Variants in HERC1 observed in about 807,000 individuals in gnomAD.
HERC1 encodes the protein probable E3 ubiquitin-protein ligase HERC1.
HERC1 carries 160 observed loss-of-function variants against 554.3 expected under a neutral mutation model. The ratio of observed to expected loss-of-function variants is 0.29; its 90% CI spans 0.25 to 0.33. The LOEUF (loss-of-function observed/expected upper bound fraction) is 0.33. Ranked by LOEUF, HERC1 falls within the 10% of genes least tolerant of loss-of-function variation. The probability of loss-of-function intolerance (pLI) is 1.00; values close to 1 mark genes in which losing one functional copy is unlikely to be tolerated. For synonymous variants in HERC1, 2,175 were observed against 2,131.7 expected (o/e 1.02, Z -0.56); for missense variants, 4,919 against 5,918.5 (o/e 0.83, Z 5.54).
chr15:63,612,272 A>G lies in HERC1; in HGVS notation c.14379T>C (p.Phe4793=). The G allele has an allele frequency of 1.9e-6, 3 of 1,610,154 alleles. No homozygotes were observed. Among genetic ancestry groups the G allele is most frequent in the Non-Finnish European group, 1.7e-6 (2 of 1,176,758 alleles). The part of the protein sequence containing the change: ...PANTADISQR[F]QIMKVDRPYD... ...TTACCCTATCAACCTTCATGATTTGAAATCTCTGAGAAATGTCAGCAGTGT... is the reference window on the plus strand; with the variant it reads ...TTACCCTATCAACCTTCATGATTTGGAATCTCTGAGAAATGTCAGCAGTGT... The change falls in exon 77 of 78, where the codon TTT becomes TTC. Residue 4793 remains phenylalanine (F), a synonymous_variant. Transcript: ENST00000443617. The surrounding 1 kb of genome is among the most constrained non-coding windows in gnomAD (Gnocchi z 5.0).
At chr15:63,699,486 A>G (rs2072606852) in intron 25 of HERC1, among the ~76,000 whole-genome samples, 1 of 152,228 alleles carries the variant, frequency 6.6e-6, no homozygotes, top group Non-Finnish European at 1.5e-5. Context: ...AACATTACCA[A>G]AAAATGAATA....
intron 19 of HERC1, among the ~76,000 whole-genome samples, chr15:63,719,940 T>C (rs1033922065): frequency 5.3e-5 from 8 of 151,996 alleles, no homozygotes; most frequent in African/African-American, 1.9e-4. Flanking sequence ...CAAATATACA[T>C]GTATCTGGTA....
At chr15:63,766,169 T>A (rs1314162659) in intron 2 of HERC1, among the ~76,000 whole-genome samples, 1 of 151,802 alleles carries the variant, frequency 6.6e-6, no homozygotes, top group African/African-American at 2.4e-5. Flanking sequence ...TAAAATGTAT[T>A]TATACTATTA....
At chr15:63,766,224 G>A (rs1039260217) in intron 2 of HERC1, among the ~76,000 whole-genome samples, 26 of 150,090 alleles carry the variant, frequency 1.7e-4, no homozygotes, top group Admixed American at 1.1e-3. Flanking sequence ...ATATTAATCC[G>A]ATTAATTTGA....
intron 12 of HERC1, among the ~76,000 whole-genome samples, chr15:63,738,177 C>T (rs2074629718): frequency 6.6e-6 from 1 of 152,022 alleles, no homozygotes; most frequent in Non-Finnish European, 1.5e-5. Context: ...ATACATAACT[C>T]AATCCCATCC....
chr15:63,631,951 C>T (rs866027983), intron 68 of HERC1, among the ~76,000 whole-genome samples: 6 of 152,192 alleles, frequency 3.9e-5, no homozygotes, highest in Admixed American at 2.0e-4. Context: ...TTAGATGATA[C>T]GAATAAGGAT....
intron 52 of HERC1, among the ~76,000 whole-genome samples, 167 bp from the exon 53 acceptor site, chr15:63,651,547 G>T (rs2069677780): frequency 6.6e-6 from 1 of 152,156 alleles, no homozygotes; most frequent in Non-Finnish European, 1.5e-5. Context: ...ATTAATGTTT[G>T]TCATCATGTG....
chr15:63,655,447 T>C (rs573384399), intron 50 of HERC1, among the ~76,000 whole-genome samples: 2 of 152,332 alleles, frequency 1.3e-5, no homozygotes, highest in South Asian at 4.1e-4. Flanking sequence ...TTCAAAGTGT[T>C]ATAATCTTAA....
chr15:63,635,707 C>T (rs1020057007), intron 65 of HERC1, among the ~76,000 whole-genome samples: 5 of 152,084 alleles, frequency 3.3e-5, no homozygotes, highest in African/African-American at 1.2e-4. Context: ...CGTGCAGCAC[C>T]CTAGTCTGGG....
chr15:63,829,657 AACATACCGAGTAT>A (rs1280252027), intron 1 of HERC1, among the ~76,000 whole-genome samples: 54 of 148,956 alleles, frequency 3.6e-4, no homozygotes, highest in African/African-American at 1.3e-3. Context: ...AACTCCAATA[AACATACCGAGTAT>A]ACAGATTTTG....
Position 63,680,210 on chromosome 15 carries a change from T to A in HERC1, c.6466-50A>T, listed in dbSNP as rs774367953. The A allele has an allele frequency of 1.1e-5, 15 of 1,341,348 alleles. No individual in the cohort carries two copies. Among genetic ancestry groups the A allele is most frequent in the African/African-American group, 8.7e-5 (6 of 69,146 alleles). 83.1% of individuals were successfully genotyped at this position (1,341,348 alleles called of 1,614,324 possible). On this transcript the variant is annotated intron_variant, in intron 35 of 77. Coordinates refer to ENST00000443617, the MANE Select transcript of HERC1 (RefSeq NM_003922.4). The surrounding 1 kb of genome is among the most constrained non-coding windows in gnomAD (Gnocchi z 5.8). ...AAGAAAAAGGAAATAGAAATTTTTTTAATTCACAATATCTAACCACATTAG... is the reference window on the plus strand; with the variant it reads ...AAGAAAAAGGAAATAGAAATTTTTTAAATTCACAATATCTAACCACATTAG...
rs914989003 is a variant in HERC1, at chr15:63,727,672, G to T, written c.3321C>A (p.Asp1107Glu). The change falls in exon 17 of 78, where the codon GAC (aspartate) becomes GAA (glutamate). Residue 1107 changes from aspartate (D) to glutamate (E), a missense_variant. This residue lies in a region of HERC1 where 1,121 missense variants were observed against 1,244.0 expected (regional missense o/e 0.90). Transcript: ENST00000443617. This position sits in a 1 kb window ranked among gnomAD's most constrained non-coding sequence, Gnocchi z 4.3. ...CATGAAGAGGCCACTGTAACTCCTG[G>T]TCTTCTAAAAGATCAGCAGCTGGCA... is the stretch of plus-strand genomic sequence containing the variant. ...RLLPAADLLEDQELQWPLHGG... is the reference protein window; with the variant it reads ...RLLPAADLLEEQELQWPLHGG... The T allele has an allele frequency of 6.2e-7, 1 of 1,612,550 alleles. No homozygotes were observed.
intron 19 of HERC1, among the ~76,000 whole-genome samples, chr15:63,719,402 G>A (rs2073709876): frequency 6.6e-6 from 1 of 152,240 alleles, no homozygotes; most frequent in African/African-American, 2.4e-5. Context: ...AACCGTGCAT[G>A]CACAGAATGG....
At position 63,666,352 on chromosome 15, in the gene HERC1, C is replaced by T. The variant is rs1240428766; in HGVS notation, c.8323+4G>A. 8 of 1,600,038 alleles carry T rather than the reference C, an allele frequency of 5.0e-6. No homozygotes were observed. Among genetic ancestry groups the T allele is most frequent in the Non-Finnish European group, 6.9e-6 (8 of 1,167,688 alleles). On this transcript the variant is annotated splice_donor_region_variant and intron_variant, in intron 41 of 77. Transcript: ENST00000443617. ...ATACACTGATATATAAAAACTTATC[C>T]TACCTGTAGCTTCCATGGCTTTGGC...
intron 27 of HERC1, among the ~76,000 whole-genome samples, 158 bp from the exon 28 acceptor site, chr15:63,695,052 T>C (rs1478157685): frequency 6.6e-6 from 1 of 152,204 alleles, no homozygotes; most frequent in East Asian, 1.9e-4. Flanking sequence ...TAATTTTTTT[T>C]TGAGGCAGGG....
rs746586572 is a variant in HERC1 at position 63,749,672 on chromosome 15, G to A, written c.2022C>T (p.Asp674=). Residue 674 remains aspartate, a synonymous_variant, in exon 9 of 78, where the codon GAC becomes GAT. Transcript: ENST00000443617. This position sits in a 1 kb window ranked among gnomAD's most constrained non-coding sequence, Gnocchi z 4.1. ...CATGAGAAAGAGCCAAACAATGACTGTCTCCAATAGAAACATCAACTATTC... is the reference window on the plus strand; with the variant it reads ...CATGAGAAAGAGCCAAACAATGACTATCTCCAATAGAAACATCAACTATTC... The part of the protein sequence containing the change: ...ATRIVDVSIG[D]SHCLALSHDN... 7 of 1,598,026 alleles carry A rather than the reference G, an allele frequency of 4.4e-6. No homozygotes were observed. The highest frequency in any genetic ancestry group is 1.7e-5 in the Admixed American group (1 of 57,916).
At position 63,775,542 on chromosome 15, in the gene HERC1, T is replaced by G; in HGVS notation, c.82A>C (p.Ile28Leu). Residue 28 changes from isoleucine to leucine, a missense_variant, in exon 2 of 78, where the codon ATT (isoleucine) becomes CTT (leucine). Physicochemically the swap from Ile to Leu is conservative, Grantham distance 5. Around this residue, in one of 11 missense-constraint regions of HERC1, gnomAD observed 110 missense variants for 99.3 expected, o/e 1.11. Transcript: ENST00000443617. The surrounding 1 kb of genome is among the most constrained non-coding windows in gnomAD (Gnocchi z 4.0). Reference protein sequence around the residue: ...SSWITEDSESIATREGVAVLY... With the variant: ...SSWITEDSESLATREGVAVLY... ...ACAGCAACTCCCTCTCTTGTAGCAA[T>G]AGATTCACTGTCCTCTGTAATCCAG... 1 of 1,613,960 alleles carries G rather than the reference T, an allele frequency of 6.2e-7. No homozygotes were observed. Among genetic ancestry groups the G allele is most frequent in the Non-Finnish European group, 8.5e-7 (1 of 1,179,828 alleles).
At chr15:63,621,625 A>G (rs577806090) in intron 74 of HERC1, among the ~76,000 whole-genome samples, 63 of 152,060 alleles carry the variant, frequency 4.1e-4, no homozygotes, top group Non-Finnish European at 8.7e-4. Flanking sequence ...TTTCAGGTAC[A>G]CCAATCAGAT....
intron 23 of HERC1, 127 bp from the exon 24 acceptor site, chr15:63,713,022 T>C (rs2073380785): frequency 2.2e-6 from 2 of 921,522 alleles, no homozygotes; most frequent in Non-Finnish European, 3.2e-6. Flanking sequence ...TGACAGGAAA[T>C]CCTGACTCTT....
Sources: allele counts gnomAD v4.1 joint callset (sites outside exome capture counted in the v4.1 genomes callset), GRCh38; gene constraint gnomAD v4.1.1; regional missense constraint gnomAD v4.1.1; non-coding constraint Gnocchi (gnomAD v3.1); transcripts MANE v1.5; gene names NCBI Gene and HGNC (gene_info 2026-07-23, HGNC 2026-07-21).